USP24: variants seen among roughly 807,000 people sequenced by gnomAD.
The protein encoded by USP24 is ubiquitin carboxyl-terminal hydrolase 24.
USP24 carries 97 observed loss-of-function variants against 361.6 expected under a neutral mutation model. That is an observed-to-expected ratio of 0.27 (90% confidence interval 0.23 to 0.32). The LOEUF is 0.32. Ranked by LOEUF, USP24 falls within the 10% of genes least tolerant of loss-of-function variation. The probability of loss-of-function intolerance (pLI) is 1.00; values close to 1 mark genes in which losing one functional copy is unlikely to be tolerated. For missense variants in USP24, 2,353 were observed against 3,165.6 expected (o/e 0.74, Z 6.16); for synonymous variants, 1,098 against 1,124.6 (o/e 0.98, Z 0.47).
Position 55,072,821 on chromosome 1 carries a change from G to T in USP24, c.7567C>A (p.His2523Asn). Residue 2523 changes from histidine to asparagine, a missense_variant, in exon 65 of 68, where the codon CAC (histidine) becomes AAC (asparagine). Physicochemically the swap from His to Asn is moderately conservative, Grantham distance 68. Transcript: ENST00000294383. ...AGCCACTGCACAGCCCAGCTCCAGT[G>T]GTGGGAATTCTCCTTGAAGTACTCC... is the stretch of plus-strand genomic sequence containing the variant. Reference protein sequence around the residue: ...AKEYFKENSHHWSWAVQWLQK... With the variant: ...AKEYFKENSHNWSWAVQWLQK... The T allele has an allele frequency of 6.2e-7, 1 of 1,607,836 alleles. No individual in the cohort carries two copies. The highest frequency in any genetic ancestry group is 2.2e-5 in the East Asian group (1 of 44,756).
chr1:55,095,564 G>T (rs567085025), intron 50 of USP24, among the ~76,000 whole-genome samples, 168 bp from the exon 51 acceptor site: 38 of 152,298 alleles, frequency 2.5e-4, no homozygotes, highest in African/African-American at 8.9e-4. Flanking sequence ...GCTTAGCATG[G>T]AAGTCAGGAT....
chr1:55,125,863 T>C (rs1198245493), intron 32 of USP24, 105 bp from the exon 33 acceptor site: 1 of 921,748 alleles, frequency 1.1e-6, no homozygotes, highest in Non-Finnish European at 1.6e-6. Flanking sequence ...ACTTAGTTTC[T>C]ACATGATTCT....
chr1:55,098,015 A>C lies in USP24; in HGVS notation c.5523T>G (p.Ser1841=). 5 of 1,613,742 alleles carry C rather than the reference A, an allele frequency of 3.1e-6. No homozygotes were observed. The highest frequency in any genetic ancestry group is 4.2e-6 in the Non-Finnish European group (5 of 1,179,768). ...CTTCTCCTCTAACAAATTGGTCCAA[A>C]GAAATTTCCAAACTCTGACAAGAAG... ...GVTSCQSLEI[S]LDQFVRGEVL... The change falls in exon 47 of 68, where the codon TCT becomes TCG. Residue 1841 remains serine, a synonymous_variant. Coordinates refer to ENST00000294383, the MANE Select transcript of USP24 (RefSeq NM_015306.3).
At chr1:55,163,195 A>T (rs1648474781) in intron 7 of USP24, among the ~76,000 whole-genome samples, 1 of 152,096 alleles carries the variant, frequency 6.6e-6, no homozygotes, top group African/African-American at 2.4e-5. Context: ...TAAAAAGAAA[A>T]AATATATTTT....
rs1391325568 is a variant in USP24 at position 55,137,841 on chromosome 1, C to T, written c.2992G>A (p.Val998Met). 1.9e-6 allele frequency: 3 copies of T among 1,596,776 alleles called. No homozygotes were observed. Among genetic ancestry groups the T allele is most frequent in the South Asian group, 1.1e-5 (1 of 88,542 alleles). The change falls in exon 27 of 68, where the codon GTG becomes ATG. Residue 998 changes from valine to methionine, a missense_variant. Physicochemically the swap from Val to Met is conservative, Grantham distance 21 (BLOSUM62 1). Transcript: ENST00000294383. ...WKIAKQLCSP[V>M]DNIQIFTNDS... ...TTTGTAAATATCTGTATATTATCCA[C>T]AGGAGAGCACAACTGCTTGGCTATT... is the stretch of plus-strand genomic sequence containing the variant.
chr1:55,072,635 G>T, intron 65 of USP24, 151 bp downstream of exon 65: 1 of 842,882 alleles, frequency 1.2e-6, no homozygotes, highest in Non-Finnish European at 1.8e-6. Context: ...CAAATTTAAT[G>T]CACACAAGAT....
chr1:55,132,877 TTCA>T (rs1246779327), intron 30 of USP24, among the ~76,000 whole-genome samples, 177 bp from the exon 31 acceptor site: 5 of 152,202 alleles, frequency 3.3e-5, no homozygotes, highest in Non-Finnish European at 5.9e-5. Flanking sequence ...AACATCAAAC[TTCA>T]TCATACAAAT....
chr1:55,083,251 G>A lies in USP24; in HGVS notation c.6975+21C>T, dbSNP rs556246898. 5.6e-6 allele frequency: 9 copies of A among 1,609,180 alleles called. 1 individual carries two copies. In the Admixed American group the frequency reaches 1.5e-4, roughly 27 times the overall value. ...ATGAAAACCATAGCTATTCCACTAG[G>A]GATATAAAAGTAGTCCTTACCTGAT... On this transcript the variant is annotated intron_variant, in intron 58 of 67. Coordinates refer to ENST00000294383, the MANE Select transcript of USP24 (RefSeq NM_015306.3).
At chr1:55,155,831 T>C (rs182029283) in intron 12 of USP24, among the ~76,000 whole-genome samples, 3 of 152,308 alleles carry the variant, frequency 2.0e-5, no homozygotes, top group African/African-American at 7.2e-5. Context: ...TCTGGAAACC[T>C]TGGTGGCAGT....
intron 1 of USP24, among the ~76,000 whole-genome samples, chr1:55,200,119 G>T (rs1441779154): frequency 6.6e-6 from 1 of 152,228 alleles, no homozygotes; most frequent in Non-Finnish European, 1.5e-5. Flanking sequence ...GGGAATTATG[G>T]GAGTATAATT....
At chr1:55,203,841 A>G (rs1375917254) in intron 1 of USP24, among the ~76,000 whole-genome samples, 1 of 152,234 alleles carries the variant, frequency 6.6e-6, no homozygotes, top group African/African-American at 2.4e-5. Context: ...TTTGGCTGAC[A>G]TAATTCAACA....
chr1:55,073,370 A>G (rs1317517332), intron 64 of USP24, among the ~76,000 whole-genome samples: 1 of 152,188 alleles, frequency 6.6e-6, no homozygotes, highest in East Asian at 1.9e-4. Flanking sequence ...AAGTTGTTAC[A>G]AAGATGAAAT....
At chr1:55,085,852 C>A in intron 56 of USP24, 90 bp downstream of exon 56, 1 of 1,359,576 alleles carries the variant, frequency 7.4e-7, no homozygotes, top group South Asian at 1.3e-5. Flanking sequence ...AATTACCAGA[C>A]TCCAATCCTA....
intron 7 of USP24, among the ~76,000 whole-genome samples, chr1:55,163,191 GAA>G (rs1332858429): frequency 2.0e-5 from 3 of 151,602 alleles, no homozygotes; most frequent in Non-Finnish European, 2.9e-5. Flanking sequence ...AGTATAAAAA[GAA>G]AAAATATATT....
intron 38 of USP24, among the ~76,000 whole-genome samples, chr1:55,119,456 G>A (rs2100589966): frequency 1.3e-5 from 2 of 152,226 alleles, no homozygotes; most frequent in African/African-American, 4.8e-5. Flanking sequence ...TAGAGTTTCA[G>A]TTTAGGATGG....
chr1:55,155,704 C>T (rs1402572191), intron 12 of USP24, among the ~76,000 whole-genome samples: 1 of 152,120 alleles, frequency 6.6e-6, no homozygotes, highest in Non-Finnish European at 1.5e-5. Flanking sequence ...CAGCCAACTT[C>T]CTGTTACGTT....
chr1:55,202,410 CTT>C (rs772301790), intron 1 of USP24, among the ~76,000 whole-genome samples: 1 of 144,866 alleles, frequency 6.9e-6, no homozygotes, highest in African/African-American at 2.5e-5. Context: ...CTTTTTCTTT[CTT>C]TTTTTTTTTT....
rs1646803190 is a variant in USP24, at chr1:55,138,633, G to A, written c.2903C>T (p.Ser968Phe). The change falls in exon 26 of 68, where the codon TCT (serine) becomes TTT (phenylalanine). Residue 968 changes from serine to phenylalanine, a missense_variant. By Grantham distance (155) the Ser-to-Phe change is radical. Transcript: ENST00000294383. Reference sequence around the variant, plus strand: ...CTCGACAGTGAAGGTATCTTTGGTAGACTCATAGGTAACATTAAGGGTTAA... The same window carrying A: ...CTCGACAGTGAAGGTATCTTTGGTAAACTCATAGGTAACATTAAGGGTTAA... ...HLLTLNVTYE[S>F]TKDTFTVEAH... 1.2e-5 allele frequency: 19 copies of A among 1,612,148 alleles called. No homozygotes were observed. Among genetic ancestry groups the A allele is most frequent in the Non-Finnish European group, 1.5e-5 (18 of 1,178,744 alleles).
intron 59 of USP24, among the ~76,000 whole-genome samples, chr1:55,081,103 C>G (rs951094833): frequency 6.6e-6 from 1 of 151,914 alleles, no homozygotes; most frequent in Non-Finnish European, 1.5e-5. Flanking sequence ...ACTTATATAC[C>G]CTCTCACCTC....
Sources: gnomAD v4.1 joint callset for allele counts (sites outside exome capture counted in the v4.1 genomes callset) on GRCh38, gnomAD v4.1.1 for gene constraint, MANE v1.5 for transcripts, NCBI Gene and HGNC (gene_info 2026-07-23, HGNC 2026-07-21) for gene names.